The following ZBTB20 variants were observed in gnomAD, a reference collection of about 807,000 sequenced individuals.
ZBTB20 encodes zinc finger and BTB domain containing 20.
A neutral mutation model predicts 56.9 loss-of-function variants in ZBTB20; 9 were observed. The ratio of observed to expected loss-of-function variants is 0.16; its 90% CI spans 0.10 to 0.28. The LOEUF (loss-of-function observed/expected upper bound fraction) is 0.28. Ranked by LOEUF, ZBTB20 falls within the 10% of genes least tolerant of loss-of-function variation. ZBTB20 has a pLI of 1.00. For missense variants in ZBTB20, 655 were observed against 1,003.0 expected (o/e 0.65, Z 4.69); for synonymous variants, 417 against 420.7 (o/e 0.99, Z 0.11).
chr3:115,057,843 C>A (rs1025396137), intron 2 of ZBTB20, among the ~76,000 whole-genome samples: 3 of 151,938 alleles, frequency 2.0e-5, no homozygotes, highest in Non-Finnish European at 4.4e-5. Context: ...TATATTAGTC[C>A]GTTCTCATGC....
Position 114,351,163 on chromosome 3 carries a change from G to A in ZBTB20, c.915C>T (p.Thr305=), listed in dbSNP as rs1301169582. 12 of 1,603,326 alleles carry A rather than the reference G, an allele frequency of 7.5e-6. No individual in the cohort carries two copies. The highest frequency in any genetic ancestry group is 1.0e-5 in the Non-Finnish European group (12 of 1,179,852). The change falls in exon 11 of 12, where the codon ACC becomes ACT. Residue 305 remains threonine, a synonymous_variant. Coordinates refer to ENST00000675478, the MANE Select transcript of ZBTB20 (RefSeq NM_001348800.3). The part of the protein sequence containing the change: ...SQQMERYLST[T]PETTHCRKQP... ...GCTTGCGGCAGTGCGTGGTCTCGGG[G>A]GTGGTGGACAGGTAGCGCTCCATCT...
chr3:114,509,277 G>C (rs1399918665), intron 6 of ZBTB20, among the ~76,000 whole-genome samples: 1 of 152,000 alleles, frequency 6.6e-6, no homozygotes, highest in African/African-American at 2.4e-5. Context: ...ACCACAACTT[G>C]CTCTCAGTTT....
intron 6 of ZBTB20, among the ~76,000 whole-genome samples, chr3:114,576,041 G>A (rs192488910): frequency 4.6e-5 from 7 of 152,212 alleles, no homozygotes; most frequent in African/African-American, 1.2e-4. Flanking sequence ...TTCTTTCTCC[G>A]TGTGTGCATG....
At position 115,143,869 on chromosome 3, in the gene ZBTB20, T is replaced by G. The variant is rs911959531; in HGVS notation, c.-703+3350A>C. Among the ~76,000 whole-genome samples the G allele has an allele frequency of 2.6e-5, 4 of 152,190 alleles. No homozygotes were observed. In the East Asian group the frequency reaches 7.7e-4, roughly 29 times the overall value. ...TGCCAACTGGTAAACACCTTCCTCC[T>G]TCTCAAACTTCTGTAGGCTCTTTCA... On this transcript the variant is annotated intron_variant, in intron 1 of 11. Transcript: ENST00000675478.
rs188571681 is a variant in ZBTB20 at position 114,946,897 on chromosome 3, C to G, written c.-456+27469G>C. On this transcript the variant is annotated intron_variant, in intron 3 of 11. Coordinates refer to ENST00000675478, the MANE Select transcript of ZBTB20 (RefSeq NM_001348800.3). ...CCTGCAGAATGGGAGAAAATATGTA[C>G]AAACTATCAATCAGACAGAGGACTA... Among the ~76,000 whole-genome samples, 14 of 145,652 alleles carry G rather than the reference C, an allele frequency of 9.6e-5. No individual in the cohort carries two copies. In the East Asian group the frequency reaches 2.7e-3, roughly 28 times the overall value.
chr3:114,417,279 G>T (rs1350269467), intron 7 of ZBTB20, among the ~76,000 whole-genome samples: 1 of 152,040 alleles, frequency 6.6e-6, no homozygotes, highest in Non-Finnish European at 1.5e-5. Flanking sequence ...AAAAATGGCT[G>T]TTGCACATTT....
intron 2 of ZBTB20, among the ~76,000 whole-genome samples, chr3:114,983,372 A>C (rs2078407802): frequency 6.6e-6 from 1 of 152,032 alleles, no homozygotes; most frequent in African/African-American, 2.4e-5. Flanking sequence ...TTTTAACTCG[A>C]GAAATGCCAG....
intron 7 of ZBTB20, among the ~76,000 whole-genome samples, chr3:114,444,283 G>C (rs768432740): frequency 3.9e-5 from 6 of 152,088 alleles, no homozygotes; most frequent in Non-Finnish European, 8.8e-5. Flanking sequence ...GATAGAGGGA[G>C]AAAAAATGTG....
At chr3:115,011,009 C>T (rs1215912674) in intron 2 of ZBTB20, among the ~76,000 whole-genome samples, 2 of 151,758 alleles carry the variant, frequency 1.3e-5, no homozygotes, top group Admixed American at 6.6e-5. Context: ...AATTGGCCTA[C>T]TAAAGAATGT....
chr3:114,502,033 TAGA>T (rs2044049172), intron 6 of ZBTB20, among the ~76,000 whole-genome samples: 2 of 152,096 alleles, frequency 1.3e-5, no homozygotes, highest in African/African-American at 4.8e-5. Context: ...TAGCTTCTCT[TAGA>T]AGGATAAAAC....
intron 5 of ZBTB20, among the ~76,000 whole-genome samples, chr3:114,760,134 T>C (rs1221990978): frequency 6.6e-6 from 1 of 152,102 alleles, no homozygotes; most frequent in South Asian, 2.1e-4. Context: ...AACATACAAA[T>C]AAAAAAATTT....
intron 5 of ZBTB20, among the ~76,000 whole-genome samples, chr3:114,752,348 G>A (rs1169996779): frequency 6.6e-6 from 1 of 152,058 alleles, no homozygotes; most frequent in Non-Finnish European, 1.5e-5. Flanking sequence ...TTAGGGTTGG[G>A]GCCCATTTGG....
intron 3 of ZBTB20, among the ~76,000 whole-genome samples, chr3:114,969,465 G>A (rs2077782189): frequency 1.3e-5 from 2 of 151,842 alleles, no homozygotes; most frequent in South Asian, 4.2e-4. Flanking sequence ...AAAATGAAAG[G>A]GATACAAAAT....
At chr3:114,889,832 G>C (rs1395923999) in intron 4 of ZBTB20, among the ~76,000 whole-genome samples, 1 of 151,892 alleles carries the variant, frequency 6.6e-6, no homozygotes, top group Non-Finnish European at 1.5e-5. Context: ...GCAATAACTA[G>C]AGCAAATAAT....
intron 6 of ZBTB20, chr3:114,688,390 G>GA (rs34232155): frequency 0.64 from 87,959 of 138,274 alleles, 30,411 homozygotes; most frequent in East Asian, 0.82. Context: ...AATAAAAGTT[G>GA]AAAAAAAAAA....
chr3:114,361,205 C>T (rs1222374968), intron 10 of ZBTB20, among the ~76,000 whole-genome samples: 1 of 152,094 alleles, frequency 6.6e-6, no homozygotes, highest in Non-Finnish European at 1.5e-5. Flanking sequence ...TGTGCTAATC[C>T]AAAAGGTTGG....
At chr3:114,843,934 C>G (rs547838960) in intron 4 of ZBTB20, among the ~76,000 whole-genome samples, 1 of 151,788 alleles carries the variant, frequency 6.6e-6, no homozygotes, top group African/African-American at 2.4e-5. Flanking sequence ...TGATCCACCC[C>G]CCTTGGCCTC....
Position 114,412,418 on chromosome 3 carries a change from C to G in ZBTB20, c.-254-23313G>C, listed in dbSNP as rs2088062260. Among the ~76,000 whole-genome samples the G allele has an allele frequency of 2.0e-5, 3 of 152,060 alleles. No homozygotes were observed. In the South Asian group the frequency reaches 6.2e-4, roughly 32 times the overall value. ...CTCAGAAATAGGATTGGAAACAAAG[C>G]AGGGAATGCTCTGACAAAGCTGAAG... On this transcript the variant is annotated intron_variant, in intron 7 of 11. Transcript: ENST00000675478.
intron 7 of ZBTB20, among the ~76,000 whole-genome samples, chr3:114,453,898 C>A: frequency 6.7e-6 from 1 of 148,162 alleles, no homozygotes; most frequent in Non-Finnish European, 1.5e-5. Context: ...AATAGAAAAA[C>A]ATATATCAGA....
Sources: allele counts gnomAD v4.1 joint callset (sites outside exome capture counted in the v4.1 genomes callset), GRCh38; gene constraint gnomAD v4.1.1; transcripts MANE v1.5; gene names NCBI Gene and HGNC (gene_info 2026-07-23, HGNC 2026-07-21).